Variants in RNLS observed in about 807,000 individuals in gnomAD.
RNLS encodes renalase, FAD dependent amine oxidase.
In RNLS, 39 loss-of-function variants were observed where a neutral mutation model predicts 39.8. The observed-to-expected ratio is 0.98, with a 90% CI of 0.76 to 1.28. The LOEUF is 1.28. Among genes scored for constraint, RNLS ranks in the 50% most tolerant of loss-of-function variants. RNLS has a pLI of 0.00. For missense variants in RNLS, 410 were observed against 413.3 expected (o/e 0.99, Z 0.07); for synonymous variants, 147 against 150.7 (o/e 0.98, Z 0.18).
intron 4 of RNLS, among the ~76,000 whole-genome samples, chr10:88,390,191 T>G (rs1852109456): frequency 6.6e-6 from 1 of 152,198 alleles, no homozygotes; most frequent in Non-Finnish European, 1.5e-5. Flanking sequence ...TAGTGACTCC[T>G]TGATAAAGCA....
intron 4 of RNLS, among the ~76,000 whole-genome samples, chr10:88,499,582 C>G (rs1222279863): frequency 6.6e-6 from 1 of 151,820 alleles, no homozygotes; most frequent in Admixed American, 6.6e-5. Flanking sequence ...ATGCATTCTC[C>G]CCCTCTCACC....
chr10:88,572,263 T>A (rs1849881889), intron 4 of RNLS, among the ~76,000 whole-genome samples: 2 of 152,186 alleles, frequency 1.3e-5, no homozygotes, highest in African/African-American at 4.8e-5. Context: ...CACCACATGT[T>A]TTATATCAAA....
At chr10:88,362,126 T>C (rs1849688231) in intron 5 of RNLS, among the ~76,000 whole-genome samples, 3 of 152,116 alleles carry the variant, frequency 2.0e-5, no homozygotes, top group South Asian at 2.1e-4. Context: ...TTTCATAACA[T>C]AGTAAAATTC....
At chr10:88,561,180 G>A (rs1260446895) in intron 4 of RNLS, among the ~76,000 whole-genome samples, 2 of 152,092 alleles carry the variant, frequency 1.3e-5, no homozygotes, top group Admixed American at 1.3e-4. Context: ...GGACCAAGAT[G>A]TCATTAAGGA....
chr10:88,557,309 C>A (rs1455684125), intron 4 of RNLS, among the ~76,000 whole-genome samples: 1 of 152,092 alleles, frequency 6.6e-6, no homozygotes, highest in Non-Finnish European at 1.5e-5. Context: ...TTACTCAAAC[C>A]AACAGAGACT....
intron 5 of RNLS, among the ~76,000 whole-genome samples, chr10:88,319,588 A>C (rs939117389): frequency 3.9e-5 from 6 of 152,082 alleles, no homozygotes; most frequent in Admixed American, 1.3e-4. Context: ...AAGAAAAAAA[A>C]CCCAAACAAT....
intron 6 of RNLS, among the ~76,000 whole-genome samples, chr10:88,288,583 T>A (rs1234472320): frequency 6.6e-6 from 1 of 152,168 alleles, no homozygotes; most frequent in Admixed American, 6.5e-5. Flanking sequence ...CCTGTATAGA[T>A]AAACTGTGGC....
downstream of RNLS, among the ~76,000 whole-genome samples, chr10:88,282,810 G>A (rs1843071814): frequency 6.6e-6 from 1 of 152,240 alleles, no homozygotes; most frequent in Non-Finnish European, 1.5e-5. Flanking sequence ...TGAGCAAGAC[G>A]TGCATAGACA....
At chr10:88,472,024 C>A (rs1303441989) in intron 4 of RNLS, among the ~76,000 whole-genome samples, 1 of 152,128 alleles carries the variant, frequency 6.6e-6, no homozygotes, top group Non-Finnish European at 1.5e-5. Flanking sequence ...AGGCCTCAGG[C>A]ATACAAAAAG....
chr10:88,500,534 C>T (rs1845416415), intron 4 of RNLS, among the ~76,000 whole-genome samples: 1 of 152,096 alleles, frequency 6.6e-6, no homozygotes, highest in African/African-American at 2.4e-5. Flanking sequence ...CTTTTACATG[C>T]TTGTTTTATT....
At chr10:88,307,985 C>T (rs1845052903) in intron 6 of RNLS, among the ~76,000 whole-genome samples, 2 of 152,146 alleles carry the variant, frequency 1.3e-5, no homozygotes, top group Admixed American at 6.5e-5. Context: ...TAAGGCCACA[C>T]ACCTACAACT....
the RNLS span, among the ~76,000 whole-genome samples, chr10:88,199,009 G>A: frequency 3.9e-5 from 6 of 152,156 alleles, no homozygotes; most frequent in East Asian, 1.2e-3. Context: ...CACCATTTTG[G>A]CCCCAGCAAA....
In RNLS at chr10:88,396,870, T is replaced by A. The variant is rs545954122; in HGVS notation, c.527-34145A>T. 9.9e-5 allele frequency among the ~76,000 whole-genome samples: 15 copies of A among 151,632 alleles called. No homozygotes were observed. In the South Asian group the frequency reaches 3.1e-3, roughly 32 times the overall value. ...AGAAAAAATAAAATTTAAGAAAAAATCCCTTACTAGAGACAAGATTATTTT... is the reference window on the plus strand; with the variant it reads ...AGAAAAAATAAAATTTAAGAAAAAAACCCTTACTAGAGACAAGATTATTTT... On this transcript the variant is annotated intron_variant, in intron 4 of 6. Coordinates refer to ENST00000331772, the MANE Select transcript of RNLS (RefSeq NM_001031709.3).
chr10:88,393,160 C>T (rs1306623096), intron 4 of RNLS, among the ~76,000 whole-genome samples: 3 of 152,158 alleles, frequency 2.0e-5, no homozygotes, highest in African/African-American at 4.8e-5. Context: ...CTTACCACTC[C>T]TATTCAACAT....
the RNLS span, among the ~76,000 whole-genome samples, chr10:88,267,023 C>G: frequency 7.2e-5 from 11 of 152,170 alleles, no homozygotes. Context: ...CCTTCTTTGT[C>G]TCCCAGTGCA....
At chr10:88,291,689 A>G (rs117659278) in intron 6 of RNLS, among the ~76,000 whole-genome samples, 4,240 of 152,282 alleles carry the variant, frequency 0.028, 100 homozygotes, top group Middle Eastern at 0.051. Flanking sequence ...TGAGGGAACT[A>G]AATATTCTTT....
the RNLS span, among the ~76,000 whole-genome samples, chr10:88,250,415 C>G: frequency 1.3e-5 from 2 of 152,186 alleles, no homozygotes; most frequent in Non-Finnish European, 2.9e-5. Context: ...AGGCTATGAA[C>G]TCAAATGCCA....
intron 4 of RNLS, among the ~76,000 whole-genome samples, chr10:88,480,570 C>T (rs1448428421): frequency 6.6e-6 from 1 of 152,148 alleles, no homozygotes; most frequent in Non-Finnish European, 1.5e-5. Context: ...TACAGGCATG[C>T]GTCACCACGC....
intron 5 of RNLS, among the ~76,000 whole-genome samples, chr10:88,315,228 G>C (rs985504173): frequency 1.3e-5 from 2 of 152,118 alleles, no homozygotes; most frequent in Non-Finnish European, 2.9e-5. Flanking sequence ...AAAAATAAAA[G>C]TCTGTCTCAT....
Sources: allele counts gnomAD v4.1 joint callset (sites outside exome capture counted in the v4.1 genomes callset), GRCh38; gene constraint gnomAD v4.1.1; transcripts MANE v1.5; gene names NCBI Gene and HGNC (gene_info 2026-07-23, HGNC 2026-07-21).